MAMLD1: variants seen among roughly 807,000 people sequenced by gnomAD.
MAMLD1 encodes the protein mastermind-like domain-containing protein 1.
In MAMLD1, 14 loss-of-function variants were observed where a neutral mutation model predicts 45.0. The observed-to-expected ratio is 0.31, with a 90% CI of 0.21 to 0.49. MAMLD1 has a LOEUF of 0.49. MAMLD1 is among the 20% of genes least tolerant of loss of function. The pLI, the probability that MAMLD1 is intolerant of heterozygous loss-of-function variation, is 0.99. For synonymous variants in MAMLD1, 254 were observed against 247.8 expected, an observed-to-expected ratio of 1.02 and a Z score of -0.24; for missense variants, 543 against 603.6, an observed-to-expected ratio of 0.90 and a Z score of 1.05.
chrX:150,477,983 G>A (rs782431259), intron 5 of MAMLD1, among the ~76,000 whole-genome samples: 4 of 111,616 alleles, frequency 3.6e-5, no homozygotes, highest in African/African-American at 9.8e-5. Context: ...CTCTCCTCTC[G>A]TTTCCGTCCT....
At chrX:150,466,764 G>A (rs1557405938) in intron 3 of MAMLD1, among the ~76,000 whole-genome samples, 1 of 111,907 alleles carries the variant, frequency 8.9e-6, no homozygotes, top group Admixed American at 9.4e-5. Flanking sequence ...ATGTAGGAGA[G>A]GTGCAGCCTC....
intron 1 of MAMLD1, among the ~76,000 whole-genome samples, chrX:150,368,745 A>G (rs1436188789): frequency 4.5e-5 from 5 of 112,098 alleles, no homozygotes; most frequent in East Asian, 2.8e-4. Flanking sequence ...TGTATAAGGT[A>G]TAAGGAAGGG....
intron 5 of MAMLD1, among the ~76,000 whole-genome samples, chrX:150,475,305 G>A (rs1417656275): frequency 9.0e-6 from 1 of 111,441 alleles, no homozygotes; most frequent in Non-Finnish European, 1.9e-5. Context: ...CTGGGCTCAA[G>A]TGATCCTCCC....
chrX:150,434,824 T>A (rs140862663), intron 1 of MAMLD1, among the ~76,000 whole-genome samples: 67 of 112,215 alleles, frequency 6.0e-4, no homozygotes, highest in African/African-American at 1.9e-3. Context: ...TTGTTTTATG[T>A]CTGATTGTGT....
chrX:150,481,964 A>AAAAGAAAGAAAGAAAGAAAGAAAAG (rs2036793979), intron 5 of MAMLD1, among the ~76,000 whole-genome samples: 1 of 56,596 alleles, frequency 1.8e-5, no homozygotes, highest in African/African-American at 7.2e-5. Context: ...AAAGAAAGAA[A>AAAAGAAAGAAAGAAAGAAAGAAAAG]AAAGAAAGAA....
chrX:150,378,041 G>GCCTTTATTGAATAAATCTGA, intron 1 of MAMLD1, among the ~76,000 whole-genome samples: 1 of 112,244 alleles, frequency 8.9e-6, no homozygotes, highest in Non-Finnish European at 1.9e-5. Context: ...GCTTTATTCA[G>GCCTTTATTGAATAAATCTGA]ATTTTGCCAA....
chrX:150,413,030 T>C (rs2034162537), intron 1 of MAMLD1, among the ~76,000 whole-genome samples: 1 of 111,299 alleles, frequency 9.0e-6, no homozygotes, highest in Non-Finnish European at 1.9e-5. Flanking sequence ...CTGGCCTGCT[T>C]TTAAGTTAAG....
chrX:150,481,904 GAGAGACAGAGAC>G (rs1288361120), intron 5 of MAMLD1, among the ~76,000 whole-genome samples: 5 of 101,885 alleles, frequency 4.9e-5, no homozygotes, highest in African/African-American at 1.8e-4. Context: ...AAGAAAGAAA[GAGAGACAGAGAC>G]AGAGACAGAG....
chrX:150,481,844 AAGAAAGAAAGAAAGAG>A (rs1389128325), intron 5 of MAMLD1, among the ~76,000 whole-genome samples: 16 of 107,378 alleles, frequency 1.5e-4, no homozygotes, highest in Non-Finnish European at 2.3e-4. Context: ...AATAAAAAAA[AAGAAAGAAAGAAAGAG>A]AGAAAGAAAG....
intron 1 of MAMLD1, among the ~76,000 whole-genome samples, chrX:150,369,868 C>T (rs960613402): frequency 1.9e-5 from 2 of 107,287 alleles, no homozygotes; most frequent in East Asian, 3.0e-4. Flanking sequence ...AATCACATTT[C>T]CAACTTTGGG....
chrX:150,478,495 C>G (rs1965039925), intron 5 of MAMLD1, among the ~76,000 whole-genome samples: 1 of 112,337 alleles, frequency 8.9e-6, no homozygotes, highest in African/African-American at 3.2e-5. Context: ...GAGAGCAATA[C>G]TGCTGTCTGT....
intron 1 of MAMLD1, among the ~76,000 whole-genome samples, chrX:150,388,075 A>G (rs1448196190): frequency 1.8e-5 from 2 of 111,860 alleles, no homozygotes; most frequent in Non-Finnish European, 3.8e-5. Context: ...TACTTTCTAG[A>G]AGACATTATG....
chrX:150,388,664 A>T (rs782696655), intron 1 of MAMLD1, among the ~76,000 whole-genome samples: 14 of 111,840 alleles, frequency 1.3e-4, no homozygotes, highest in Non-Finnish European at 1.1e-4. Context: ...GATTTCTGTC[A>T]GATCTGTGAT....
At chrX:150,380,451 T>G (rs1557401587) in intron 1 of MAMLD1, among the ~76,000 whole-genome samples, 1 of 112,141 alleles carries the variant, frequency 8.9e-6, no homozygotes, top group Admixed American at 9.5e-5. Flanking sequence ...TGATATATGT[T>G]GCAAGTAATT....
At chrX:150,473,648 T>A in intron 4 of MAMLD1, 32 bp from the exon 5 acceptor site, 1 of 1,208,251 alleles carries the variant, frequency 8.3e-7, no homozygotes, top group Non-Finnish European at 1.1e-6. Context: ...TGGTCTGCAG[T>A]TCAGGAGCAC....
chrX:150,430,019 CTTTTTTTTTTTT>C (rs1174092962), intron 1 of MAMLD1, among the ~76,000 whole-genome samples: 3 of 49,228 alleles, frequency 6.1e-5, no homozygotes, highest in African/African-American at 2.5e-4. Flanking sequence ...TCTTTCTTTT[CTTTTTTTTTTTT>C]TTTTTTTTTT....
chrX:150,467,621 T>C (rs1285693638), intron 3 of MAMLD1, among the ~76,000 whole-genome samples: 1 of 112,673 alleles, frequency 8.9e-6, no homozygotes. Flanking sequence ...GTCAAAGAAG[T>C]GTGCAAGTCC....
intron 1 of MAMLD1, among the ~76,000 whole-genome samples, chrX:150,365,272 C>T (rs781944481): frequency 8.9e-5 from 10 of 112,007 alleles, no homozygotes; most frequent in African/African-American, 2.9e-4. Flanking sequence ...CAAGTGTAGG[C>T]GATGGGGGAG....
At chrX:150,438,133 G>A (rs781894436) in intron 1 of MAMLD1, among the ~76,000 whole-genome samples, 1 of 111,692 alleles carries the variant, frequency 9.0e-6, no homozygotes, top group African/African-American at 3.2e-5. Flanking sequence ...TTACTATTAT[G>A]AATAGTGCTA....
Sources: allele counts gnomAD v4.1 joint callset (sites outside exome capture counted in the v4.1 genomes callset), GRCh38; gene constraint gnomAD v4.1.1; transcripts MANE v1.5; gene names NCBI Gene and HGNC (gene_info 2026-07-23, HGNC 2026-07-21).